The following CCDC30 variants were observed in gnomAD, a reference collection of about 807,000 sequenced individuals.
CCDC30 encodes coiled-coil domain-containing protein 30.
CCDC30 carries 70 observed loss-of-function variants against 100.2 expected under a neutral mutation model. The ratio of observed to expected loss-of-function variants is 0.70; its 90% confidence interval spans 0.58 to 0.85. CCDC30 has a LOEUF of 0.85. Ranked by LOEUF, CCDC30 falls within the 40% of genes least tolerant of loss-of-function variation. The probability of loss-of-function intolerance (pLI) is 0.00; values close to 1 mark genes in which losing one functional copy is unlikely to be tolerated. For synonymous variants in CCDC30, 233 were observed against 269.5 expected (o/e 0.86, Z 1.33); for missense variants, 652 against 771.2 (o/e 0.85, Z 1.83).
At chr1:42,503,574 G>A (rs370528254) in intron 6 of CCDC30, among the ~76,000 whole-genome samples, 17 of 142,780 alleles carry the variant, frequency 1.2e-4, no homozygotes, top group Admixed American at 2.8e-4. Context: ...CACGTGGCTG[G>A]CAAAGAGAAG....
chr1:42,652,599 A>C (rs1648446512), intron 15 of CCDC30, among the ~76,000 whole-genome samples: 1 of 152,218 alleles, frequency 6.6e-6, no homozygotes, highest in Non-Finnish European at 1.5e-5. Context: ...TAGCAGCATT[A>C]TTCATAATAA....
At chr1:42,594,625 G>A (rs1346203235) in intron 10 of CCDC30, 2 of 152,294 alleles carry the variant, frequency 1.3e-5, no homozygotes, top group African/African-American at 2.4e-5. Flanking sequence ...AGAAGTTCAA[G>A]GCTCAGTATG....
At chr1:42,652,313 G>A (rs1019511167) in intron 15 of CCDC30, among the ~76,000 whole-genome samples, 2 of 152,178 alleles carry the variant, frequency 1.3e-5, no homozygotes, top group African/African-American at 2.4e-5. Flanking sequence ...CAGAGGCTGA[G>A]GGGTGAGGAG....
intron 10 of CCDC30, among the ~76,000 whole-genome samples, chr1:42,597,282 T>C (rs1184745254): frequency 1.3e-5 from 2 of 152,016 alleles, no homozygotes; most frequent in Non-Finnish European, 2.9e-5. Context: ...TTTCCTGAGA[T>C]TAATGACAGA....
the CCDC30 span, chr1:42,456,793 C>T: frequency 4.3e-6 from 7 of 1,613,212 alleles, no homozygotes; most frequent in South Asian, 3.3e-5. Context: ...TCCTAGCCGC[C>T]GGCTACGGGG....
intron 9 of CCDC30, among the ~76,000 whole-genome samples, chr1:42,587,119 T>C (rs1646088090): frequency 6.6e-6 from 1 of 152,172 alleles, no homozygotes; most frequent in African/African-American, 2.4e-5. Context: ...CACCTCAGCC[T>C]CCTGAGTAGC....
At chr1:42,569,229 C>T (rs1408583315) in intron 7 of CCDC30, 1 of 151,998 alleles carries the variant, frequency 6.6e-6, no homozygotes, top group African/African-American at 2.4e-5. Flanking sequence ...GCAATCTGTC[C>T]ATCTGGCAAA....
At chr1:42,632,460 C>G (rs1229332433) in intron 11 of CCDC30, among the ~76,000 whole-genome samples, 1 of 151,208 alleles carries the variant, frequency 6.6e-6, no homozygotes, top group Non-Finnish European at 1.5e-5. Context: ...GAGTGAGACT[C>G]TACCTTAAAA....
chr1:42,557,832 G>A (rs556374852), intron 6 of CCDC30, among the ~76,000 whole-genome samples: 4 of 151,392 alleles, frequency 2.6e-5, no homozygotes, highest in Middle Eastern at 3.4e-3. Flanking sequence ...TCCTTAAGAC[G>A]GAAAAGATGT....
At chr1:42,536,649 A>G in intron 6 of CCDC30, 48 bp downstream of exon 7, 1 of 1,336,104 alleles carries the variant, frequency 7.5e-7, no homozygotes. Flanking sequence ...GTTCTAATTT[A>G]GGGATTTCAT....
chr1:42,564,523 C>T (rs1645566116), intron 6 of CCDC30, among the ~76,000 whole-genome samples: 1 of 152,022 alleles, frequency 6.6e-6, no homozygotes, highest in African/African-American at 2.4e-5. Context: ...CTCCTGACCT[C>T]CCAAAGTGCT....
intron 11 of CCDC30, among the ~76,000 whole-genome samples, chr1:42,633,166 G>A (rs1419458385): frequency 6.6e-6 from 1 of 152,052 alleles, no homozygotes; most frequent in Non-Finnish European, 1.5e-5. Flanking sequence ...ATGAGTGAGG[G>A]AGCTAGTCAA....
chr1:42,593,613 C>G (rs928470931), intron 10 of CCDC30: 1 of 152,174 alleles, frequency 6.6e-6, no homozygotes, highest in Non-Finnish European at 1.5e-5. Flanking sequence ...TATAATGGTA[C>G]CCCTGGCAAC....
intron 1 of CCDC30, among the ~76,000 whole-genome samples, chr1:42,475,957 A>G (rs1419553552): frequency 6.6e-6 from 1 of 152,170 alleles, no homozygotes; most frequent in African/African-American, 2.4e-5. Flanking sequence ...AAAAGCATAC[A>G]CATTTATTTA....
chr1:42,556,187 A>T (rs573924765), intron 6 of CCDC30: 1 of 1,612,364 alleles, frequency 6.2e-7, no homozygotes, highest in Non-Finnish European at 8.5e-7. Context: ...GCAGAAGGAA[A>T]TTCCAGAGGA....
intron 6 of CCDC30, among the ~76,000 whole-genome samples, chr1:42,561,153 A>G (rs1351347574): frequency 6.6e-6 from 1 of 152,206 alleles, no homozygotes; most frequent in African/African-American, 2.4e-5. Flanking sequence ...GACACAACAA[A>G]AAAAGAAAAC....
intron 1 of CCDC30, among the ~76,000 whole-genome samples, chr1:42,475,339 G>A (rs1257918862): frequency 6.6e-6 from 1 of 152,122 alleles, no homozygotes; most frequent in Non-Finnish European, 1.5e-5. Flanking sequence ...TGGACTAAAA[G>A]TAAGAAAATG....
At chr1:42,482,526 C>T in intron 2 of CCDC30, 137 bp from the exon 3 acceptor site, 1 of 443,664 alleles carries the variant, frequency 2.3e-6, no homozygotes, top group Non-Finnish European at 3.7e-6. Context: ...CATACACACA[C>T]ACACTCACAC....
intron 6 of CCDC30, among the ~76,000 whole-genome samples, chr1:42,511,501 G>C (rs1644476974): frequency 6.6e-6 from 1 of 152,066 alleles, no homozygotes; most frequent in South Asian, 2.1e-4. Context: ...TTTAAGTACT[G>C]TTCTAATTGG....
Sources: allele counts gnomAD v4.1 joint callset (sites outside exome capture counted in the v4.1 genomes callset), GRCh38; gene constraint gnomAD v4.1.1; transcripts MANE v1.5; gene names NCBI Gene and HGNC (gene_info 2026-07-23, HGNC 2026-07-21).